Variants in ZFHX3 observed in about 807,000 individuals in gnomAD.
The protein encoded by ZFHX3 is zinc finger homeobox 3, also known as zinc finger homeobox protein 3.
Under a neutral mutation model 279.1 loss-of-function variants are expected in ZFHX3, and 42 were observed. The observed-to-expected ratio is 0.15, with a 90% CI of 0.12 to 0.19. ZFHX3 has a LOEUF of 0.19. Among genes scored for constraint, ZFHX3 ranks in the 10% least tolerant of loss-of-function variants. ZFHX3 has a pLI of 1.00. For synonymous variants in ZFHX3, 2,293 were observed against 1,957.8 expected, an observed-to-expected ratio of 1.17 and a Z score of -4.52; for missense variants, 4,981 against 4,754.0, an observed-to-expected ratio of 1.05 and a Z score of -1.40.
At chr16:73,887,123 A>T (rs1438745831) in intron 1 of ZFHX3, among the ~76,000 whole-genome samples, 1 of 152,180 alleles carries the variant, frequency 6.6e-6, no homozygotes, top group Non-Finnish European at 1.5e-5. Flanking sequence ...GATGGTAAGG[A>T]TTAATAAAAT....
chr16:73,281,012 AAGGAGAGGAG>A (rs771122415), intron 4 of ZFHX3, among the ~76,000 whole-genome samples: 1 of 92,910 alleles, frequency 1.1e-5, no homozygotes, highest in Admixed American at 1.3e-4. Context: ...AATGAAGGGA[AAGGAGAGGAG>A]AGGAGAGGGG....
chr16:73,608,079 A>G (rs1479611700), intron 2 of ZFHX3, among the ~76,000 whole-genome samples: 1 of 135,306 alleles, frequency 7.4e-6, no homozygotes, highest in African/African-American at 3.3e-5. Context: ...GTCTCAAAAG[A>G]AAAAAAAAAA....
At chr16:73,500,550 C>T (rs1440071791) in intron 2 of ZFHX3, among the ~76,000 whole-genome samples, 1 of 151,812 alleles carries the variant, frequency 6.6e-6, no homozygotes, top group Admixed American at 6.6e-5. Context: ...TGGTCTCAAA[C>T]TCCTGGGCTC....
chr16:73,832,708 C>T (rs1223416477), intron 1 of ZFHX3, among the ~76,000 whole-genome samples: 2 of 152,014 alleles, frequency 1.3e-5, no homozygotes, highest in Non-Finnish European at 2.9e-5. Flanking sequence ...CCACCATATT[C>T]TTTTTAAAAG....
At chr16:73,346,961 C>T (rs2016135234) in intron 3 of ZFHX3, among the ~76,000 whole-genome samples, 1 of 152,112 alleles carries the variant, frequency 6.6e-6, no homozygotes, top group Non-Finnish European at 1.5e-5. Flanking sequence ...TCTTCATGTT[C>T]ACTATAAGGA....
intron 2 of ZFHX3, among the ~76,000 whole-genome samples, chr16:73,611,529 A>G (rs1354747647): frequency 6.6e-6 from 1 of 152,222 alleles, no homozygotes; most frequent in Non-Finnish European, 1.5e-5. Context: ...GAAATTAAAT[A>G]AAATTAAACT....
intron 3 of ZFHX3, among the ~76,000 whole-genome samples, chr16:72,922,626 A>G (rs753758989): frequency 1.3e-4 from 20 of 152,132 alleles, no homozygotes; most frequent in Non-Finnish European, 2.6e-4. Flanking sequence ...AAACCTACCT[A>G]CAGCCTTATG....
intron 1 of ZFHX3, among the ~76,000 whole-genome samples, chr16:73,045,231 A>G (rs1965250913): frequency 6.6e-6 from 1 of 152,232 alleles, no homozygotes; most frequent in Non-Finnish European, 1.5e-5. Flanking sequence ...ACTAAGCCAC[A>G]TCACCACTAG....
intron 3 of ZFHX3, among the ~76,000 whole-genome samples, chr16:73,366,578 A>C (rs1453143833): frequency 1.1e-5 from 1 of 95,094 alleles, no homozygotes; most frequent in African/African-American, 4.9e-5. Context: ...CAAAAATACC[A>C]AACCAAAACC....
At chr16:73,256,225 A>C (rs2013658940) in intron 5 of ZFHX3, among the ~76,000 whole-genome samples, 1 of 152,132 alleles carries the variant, frequency 6.6e-6, no homozygotes, top group Non-Finnish European at 1.5e-5. Flanking sequence ...TACACCAGAC[A>C]ACTAGATCTG....
intron 7 of ZFHX3, among the ~76,000 whole-genome samples, chr16:73,097,231 ATTT>A (rs376018253): frequency 3.9e-5 from 5 of 126,722 alleles, no homozygotes; most frequent in African/African-American, 1.3e-4. Flanking sequence ...GCTAATTTTA[ATTT>A]TTTTTTTTTT....
intron 1 of ZFHX3, among the ~76,000 whole-genome samples, chr16:73,772,436 G>T (rs1331914563): frequency 2.0e-5 from 3 of 152,170 alleles, no homozygotes; most frequent in East Asian, 1.9e-4. Flanking sequence ...CATGGGAAAG[G>T]CCTGCCCCCA....
chr16:73,306,675 T>C (rs572512653), intron 4 of ZFHX3, among the ~76,000 whole-genome samples: 22 of 152,210 alleles, frequency 1.4e-4, no homozygotes, highest in Non-Finnish European at 2.5e-4. Flanking sequence ...CACTTGGAGA[T>C]GATGACAAGA....
intron 6 of ZFHX3, among the ~76,000 whole-genome samples, chr16:73,131,632 G>A (rs774673917): frequency 3.3e-5 from 5 of 152,150 alleles, no homozygotes; most frequent in East Asian, 1.9e-4. Context: ...AGGAGAGGGC[G>A]AAAGCATCAA....
intron 2 of ZFHX3, among the ~76,000 whole-genome samples, chr16:73,535,026 C>T (rs1220444777): frequency 6.6e-6 from 1 of 151,916 alleles, no homozygotes; most frequent in Non-Finnish European, 1.5e-5. Context: ...TGCCTGACAA[C>T]CAACTCTTGA....
chr16:73,089,423 G>A (rs1383742385), intron 8 of ZFHX3, among the ~76,000 whole-genome samples: 1 of 152,136 alleles, frequency 6.6e-6, no homozygotes, highest in Non-Finnish European at 1.5e-5. Context: ...CCTTTAGATT[G>A]TGTCCTTGCA....
rs566065382 is a variant in ZFHX3, at chr16:72,959,804, G to A, written c.342C>T (p.Ser114=). ...PPPPLREESA[S]DTGEEGDEES... is the part of the protein sequence containing the mutation. ...CCTCGTCCCCCTCCTCACCGGTGTC[G>A]CTGGCGCTCTCCTCTCTCAGGGGTG... The change falls in exon 2 of 10, where the codon AGC becomes AGT. Residue 114 remains serine (S), a synonymous_variant. Transcript: ENST00000268489. 93 of 1,596,098 alleles carry A rather than the reference G, an allele frequency of 5.8e-5. No homozygotes were observed. The highest frequency in any genetic ancestry group is 4.2e-4 in the Admixed American group (25 of 58,932).
chr16:73,158,846 T>C (rs952255009), intron 5 of ZFHX3, among the ~76,000 whole-genome samples: 4 of 152,178 alleles, frequency 2.6e-5, no homozygotes, highest in Admixed American at 6.5e-5. Flanking sequence ...CCCTATTCAA[T>C]AAACAGTGCT....
chr16:73,605,865 T>A (rs924879868), intron 2 of ZFHX3, among the ~76,000 whole-genome samples: 8 of 151,590 alleles, frequency 5.3e-5, no homozygotes, highest in Non-Finnish European at 1.0e-4. Flanking sequence ...ATAAAAAACG[T>A]TTTTTCTTCA....
Sources: allele counts gnomAD v4.1 joint callset (sites outside exome capture counted in the v4.1 genomes callset), GRCh38; gene constraint gnomAD v4.1.1; transcripts MANE v1.5; gene names NCBI Gene and HGNC (gene_info 2026-07-23, HGNC 2026-07-21).